Variants in GALNTL6 observed in about 807,000 individuals in gnomAD.
GALNTL6 encodes the protein polypeptide N-acetylgalactosaminyltransferase-like 6.
Under a neutral mutation model 73.7 loss-of-function variants are expected in GALNTL6, and 46 were observed. That is an observed-to-expected ratio of 0.62 (90% CI 0.49 to 0.80). The LOEUF (loss-of-function observed/expected upper bound fraction) is 0.80. Ranked by LOEUF, GALNTL6 falls within the 30% of genes least tolerant of loss-of-function variation. The pLI is 0.00. For synonymous variants in GALNTL6, 259 were observed against 263.7 expected (o/e 0.98, Z 0.17); for missense variants, 604 against 755.0 (o/e 0.80, Z 2.34).
At chr4:172,228,533 T>G (rs1468336474) in intron 2 of GALNTL6, among the ~76,000 whole-genome samples, 1 of 152,140 alleles carries the variant, frequency 6.6e-6, no homozygotes, top group Non-Finnish European at 1.5e-5. Flanking sequence ...AAAAGCATAA[T>G]GGCTGTATTA....
At chr4:172,102,948 G>A (rs1579141250) in intron 2 of GALNTL6, among the ~76,000 whole-genome samples, 1 of 152,148 alleles carries the variant, frequency 6.6e-6, no homozygotes. Context: ...GGAGTGATGG[G>A]GAAAGTATCT....
intron 10 of GALNTL6, among the ~76,000 whole-genome samples, chr4:172,968,476 C>A (rs930500932): frequency 6.6e-6 from 1 of 152,146 alleles, no homozygotes; most frequent in African/African-American, 2.4e-5. Flanking sequence ...AAAGTACTAC[C>A]TTCTGGAAAG....
chr4:172,386,808 G>A (rs1743489144), intron 5 of GALNTL6, among the ~76,000 whole-genome samples: 1 of 152,030 alleles, frequency 6.6e-6, no homozygotes, highest in African/African-American at 2.4e-5. Context: ...CTTGCCCCCA[G>A]CCAATTGGAT....
At chr4:172,328,725 T>G (rs1280142884) in intron 4 of GALNTL6, among the ~76,000 whole-genome samples, 2 of 152,186 alleles carry the variant, frequency 1.3e-5, no homozygotes, top group Non-Finnish European at 2.9e-5. Context: ...CGTAGTGTGT[T>G]TTTTCATACT....
intron 12 of GALNTL6, among the ~76,000 whole-genome samples, chr4:173,034,843 C>T (rs1419540144): frequency 6.6e-6 from 1 of 152,160 alleles, no homozygotes; most frequent in African/African-American, 2.4e-5. Flanking sequence ...CAACCTCACC[C>T]CTACCTCTGG....
intron 7 of GALNTL6, among the ~76,000 whole-genome samples, chr4:172,881,342 A>G (rs1052039394): frequency 2.0e-5 from 3 of 152,192 alleles, no homozygotes; most frequent in African/African-American, 7.2e-5. Flanking sequence ...CAAAACAAAA[A>G]ATTACATGAG....
At chr4:171,965,773 T>A (rs1051034257) in intron 2 of GALNTL6, among the ~76,000 whole-genome samples, 8 of 151,990 alleles carry the variant, frequency 5.3e-5, no homozygotes, top group African/African-American at 1.9e-4. Context: ...GAAATAAAAT[T>A]GTATTTGCCT....
At chr4:172,006,341 G>T (rs749140559) in intron 2 of GALNTL6, among the ~76,000 whole-genome samples, 2 of 152,050 alleles carry the variant, frequency 1.3e-5, no homozygotes, top group Non-Finnish European at 2.9e-5. Context: ...TCAAAACTTG[G>T]TGCAGGCTGG....
chr4:172,775,131 T>C (rs1427496480), intron 5 of GALNTL6, among the ~76,000 whole-genome samples: 1 of 152,104 alleles, frequency 6.6e-6, no homozygotes, highest in Non-Finnish European at 1.5e-5. Flanking sequence ...AGCATGTTTT[T>C]CTTGAGATGA....
intron 5 of GALNTL6, among the ~76,000 whole-genome samples, chr4:172,548,233 A>G (rs1347222609): frequency 3.3e-5 from 5 of 152,270 alleles, no homozygotes; most frequent in East Asian, 1.9e-4. Flanking sequence ...TTTGCTTTAT[A>G]TTTTTATAAA....
intron 10 of GALNTL6, among the ~76,000 whole-genome samples, chr4:172,984,533 A>G (rs762282077): frequency 3.3e-5 from 5 of 152,142 alleles, no homozygotes; most frequent in Admixed American, 6.5e-5. Flanking sequence ...AGCAGTGTAC[A>G]TTTCTTCTGG....
At chr4:172,654,397 A>T (rs747312252) in intron 5 of GALNTL6, among the ~76,000 whole-genome samples, 1 of 152,070 alleles carries the variant, frequency 6.6e-6, no homozygotes, top group Non-Finnish European at 1.5e-5. Context: ...ATCAACCTTA[A>T]CTTTAGTTCA....
chr4:172,018,809 G>C (rs1428771456), intron 2 of GALNTL6, among the ~76,000 whole-genome samples: 1 of 152,052 alleles, frequency 6.6e-6, no homozygotes, highest in Non-Finnish European at 1.5e-5. Context: ...TTCACCCTGT[G>C]ACCCCTACTT....
At chr4:172,468,474 A>G (rs2111458178) in intron 5 of GALNTL6, among the ~76,000 whole-genome samples, 1 of 152,352 alleles carries the variant, frequency 6.6e-6, no homozygotes, top group Admixed American at 6.5e-5. Flanking sequence ...TATTGGGTAC[A>G]AATGAAATGA....
chr4:172,481,490 T>G (rs1733471362), intron 5 of GALNTL6, among the ~76,000 whole-genome samples: 1 of 150,550 alleles, frequency 6.6e-6, no homozygotes, highest in Non-Finnish European at 1.5e-5. Flanking sequence ...ATCCTGCTGA[T>G]TGGCCTATTT....
At chr4:172,978,209 C>T (rs1479884853) in intron 10 of GALNTL6, among the ~76,000 whole-genome samples, 1 of 152,130 alleles carries the variant, frequency 6.6e-6, no homozygotes, top group Non-Finnish European at 1.5e-5. Context: ...AAATTTCTTA[C>T]TGGATATAGC....
At position 172,931,230 on chromosome 4, in the gene GALNTL6, G is replaced by C. The variant is rs774850813; in HGVS notation, c.1111G>C (p.Val371Leu). The change falls in exon 9 of 13, where the codon GTT becomes CTT. Residue 371 changes from valine to leucine, a missense_variant. Physicochemically the swap from Val to Leu is conservative, Grantham distance 32. This residue lies in a region of GALNTL6 where 261 missense variants were observed against 296.5 expected (regional missense o/e 0.88). Coordinates refer to ENST00000506823, the MANE Select transcript of GALNTL6 (RefSeq NM_001034845.3). The stretch of plus-strand genomic sequence containing the variant: ...AGTTGGTCATATCTACAGGAAGTAC[G>C]TTCCATACAAAGTTCCATCTGGGAC... ...SRVGHIYRKY[V>L]PYKVPSGTSL... 9 of 1,611,314 alleles carry C rather than the reference G, an allele frequency of 5.6e-6. No homozygotes were observed. The highest frequency in any genetic ancestry group is 7.6e-6 in the Non-Finnish European group (9 of 1,177,490).
chr4:172,379,622 T>C (rs1443781116), intron 5 of GALNTL6, among the ~76,000 whole-genome samples: 1 of 142,390 alleles, frequency 7.0e-6, no homozygotes, highest in Admixed American at 7.0e-5. Flanking sequence ...AAGGAGCTCA[T>C]AAATTAAAAT....
intron 2 of GALNTL6, among the ~76,000 whole-genome samples, chr4:172,084,579 C>T (rs1225322395): frequency 1.3e-5 from 2 of 152,134 alleles, no homozygotes; most frequent in East Asian, 1.9e-4. Flanking sequence ...ATCATTTTAA[C>T]TGTGGGTGAA....
Sources: allele counts gnomAD v4.1 joint callset (sites outside exome capture counted in the v4.1 genomes callset), GRCh38; gene constraint gnomAD v4.1.1; regional missense constraint gnomAD v4.1.1; transcripts MANE v1.5; gene names NCBI Gene and HGNC (gene_info 2026-07-23, HGNC 2026-07-21).